Variants in PHACTR3 observed in about 807,000 individuals in gnomAD.
PHACTR3 encodes the protein phosphatase and actin regulator 3, also known as protein phosphatase 1, regulatory subunit 123.
In PHACTR3, 16 loss-of-function variants were observed where a neutral mutation model predicts 66.8. That is an observed-to-expected ratio of 0.24 (90% CI 0.16 to 0.36). PHACTR3 has a LOEUF of 0.36. Among genes scored for constraint, PHACTR3 ranks in the 10% least tolerant of loss-of-function variants. PHACTR3 has a pLI of 1.00. For synonymous variants in PHACTR3, 323 were observed against 292.1 expected (o/e 1.11, Z -1.08); for missense variants, 647 against 719.9 (o/e 0.90, Z 1.16).
intron 1 of PHACTR3, among the ~76,000 whole-genome samples, chr20:59,635,165 C>CTT (rs1600971585): frequency 7.5e-5 from 3 of 40,002 alleles, no homozygotes; most frequent in Admixed American, 3.0e-4. Context: ...TTCTTTCTTT[C>CTT]TTTCCTTTCT....
At chr20:59,648,486 A>T (rs994669748) in intron 1 of PHACTR3, among the ~76,000 whole-genome samples, 1 of 152,190 alleles carries the variant, frequency 6.6e-6, no homozygotes, top group African/African-American at 2.4e-5. Context: ...AAATAAGTCC[A>T]TCTCAGAGTC....
At chr20:59,593,323 G>C (rs986649541) in intron 1 of PHACTR3, among the ~76,000 whole-genome samples, 2 of 152,128 alleles carry the variant, frequency 1.3e-5, no homozygotes, top group African/African-American at 4.8e-5. Flanking sequence ...ATCTATTCAG[G>C]CTTTTGGCCC....
chr20:59,844,461 G>A (rs2059116922), intron 11 of PHACTR3: 1 of 152,062 alleles, frequency 6.6e-6, no homozygotes, highest in Non-Finnish European at 1.5e-5. Context: ...GTGTATATAT[G>A]TATATGTGAA....
At position 59,680,662 on chromosome 20, in the gene PHACTR3, A is replaced by ATT. The variant is rs140232182; in HGVS notation, c.119-62435_119-62434dup. On this transcript the variant is annotated intron_variant, in intron 1 of 12. Coordinates refer to ENST00000371015, the MANE Select transcript of PHACTR3 (RefSeq NM_080672.5). Reference sequence around the variant, plus strand: ...GTAAACTTTCTTAAAGTGTTATGAGATTTTTTTTTTTAGCTCATCAACTAT... The same window carrying ATT: ...GTAAACTTTCTTAAAGTGTTATGAGATTTTTTTTTTTTTAGCTCATCAACTAT... Among the ~76,000 whole-genome samples the ATT allele has an allele frequency of 1.3e-3, 189 of 148,740 alleles. 1 individual carries two copies. Among genetic ancestry groups the ATT allele is most frequent in the Non-Finnish European group, 3.7e-4 (25 of 66,958 alleles).
At chr20:59,598,309 G>A (rs1034143901) in intron 1 of PHACTR3, among the ~76,000 whole-genome samples, 1 of 152,240 alleles carries the variant, frequency 6.6e-6, no homozygotes, top group African/African-American at 2.4e-5. Flanking sequence ...TCTGCTAATG[G>A]TGAAAGCGTA....
intron 7 of PHACTR3, among the ~76,000 whole-genome samples, chr20:59,779,672 A>G (rs1466584731): frequency 1.3e-5 from 2 of 152,240 alleles, no homozygotes; most frequent in Non-Finnish European, 2.9e-5. Flanking sequence ...CCATGTGAAA[A>G]AGAAAATTTT....
rs1223324900 is a variant in PHACTR3 at position 59,747,708 on chromosome 20, C to T, written c.281-50C>T. Reference sequence around the variant, plus strand: ...GCATTGGCTGTGGCTTGGACAGGGCCCAGTGACACCTTTGCCTGAGACTCA... The same window carrying T: ...GCATTGGCTGTGGCTTGGACAGGGCTCAGTGACACCTTTGCCTGAGACTCA... On this transcript the variant is annotated intron_variant, in intron 2 of 12. Coordinates refer to ENST00000371015, the MANE Select transcript of PHACTR3 (RefSeq NM_080672.5). 5 of 1,593,994 alleles carry T rather than the reference C, an allele frequency of 3.1e-6. No homozygotes were observed. In the Admixed American group the frequency reaches 5.0e-5, roughly 16 times the overall value.
intron 1 of PHACTR3, among the ~76,000 whole-genome samples, chr20:59,719,551 G>C (rs2038216295): frequency 6.6e-6 from 1 of 152,144 alleles, no homozygotes; most frequent in South Asian, 2.1e-4. Flanking sequence ...GGGTTGTTGT[G>C]CTTTCAGCCA....
chr20:59,746,993 T>TG (rs2039395806), intron 2 of PHACTR3, among the ~76,000 whole-genome samples: 1 of 152,170 alleles, frequency 6.6e-6, no homozygotes, highest in Non-Finnish European at 1.5e-5. Flanking sequence ...ATTTGGAAAT[T>TG]GGGGCTCACC....
intron 4 of PHACTR3, among the ~76,000 whole-genome samples, chr20:59,757,695 T>C (rs1305903556): frequency 1.3e-5 from 2 of 152,176 alleles, no homozygotes; most frequent in Non-Finnish European, 2.9e-5. Flanking sequence ...GTCACACCTA[T>C]CATTCCAGCA....
At chr20:59,838,437 C>T (rs1047427642) in intron 9 of PHACTR3, among the ~76,000 whole-genome samples, 6 of 151,318 alleles carry the variant, frequency 4.0e-5, no homozygotes, top group African/African-American at 1.5e-4. Context: ...CAAAACTCCG[C>T]CCATATAACA....
At chr20:59,663,435 T>C (rs180887273) in intron 1 of PHACTR3, among the ~76,000 whole-genome samples, 1 of 152,150 alleles carries the variant, frequency 6.6e-6, no homozygotes, top group South Asian at 2.1e-4. Flanking sequence ...CATGGACGTG[T>C]GAGTAAGTGA....
At chr20:59,659,314 C>T (rs1206852183) in intron 1 of PHACTR3, among the ~76,000 whole-genome samples, 1 of 150,190 alleles carries the variant, frequency 6.7e-6, no homozygotes, top group African/African-American at 2.5e-5. Context: ...TTTCTTTCCA[C>T]TTATCAGAGT....
At chr20:59,715,776 TC>T (rs1187532434) in intron 1 of PHACTR3, among the ~76,000 whole-genome samples, 2 of 152,176 alleles carry the variant, frequency 1.3e-5, no homozygotes, top group Non-Finnish European at 2.9e-5. Context: ...AGAGGTGACA[TC>T]CTTTACGTGA....
chr20:59,718,424 C>T (rs972214379), intron 1 of PHACTR3, among the ~76,000 whole-genome samples: 1 of 152,136 alleles, frequency 6.6e-6, no homozygotes, highest in Non-Finnish European at 1.5e-5. Flanking sequence ...CAAGACCCCT[C>T]CAAGGTCTCT....
chr20:59,790,308 G>A (rs1361379433), intron 7 of PHACTR3, among the ~76,000 whole-genome samples: 3 of 152,126 alleles, frequency 2.0e-5, no homozygotes, highest in Non-Finnish European at 4.4e-5. Flanking sequence ...TCTCTAGAGA[G>A]TATCTGAGAC....
intron 1 of PHACTR3, among the ~76,000 whole-genome samples, chr20:59,702,075 C>T (rs765117182): frequency 2.0e-5 from 3 of 152,196 alleles, no homozygotes; most frequent in African/African-American, 4.8e-5. Flanking sequence ...AGTCCATTGT[C>T]GGGATGTACC....
At chr20:59,809,638 C>T (rs1018901025) in intron 8 of PHACTR3, among the ~76,000 whole-genome samples, 10 of 152,102 alleles carry the variant, frequency 6.6e-5, no homozygotes, top group African/African-American at 2.4e-4. Context: ...CTTTGAGGCA[C>T]AAAAGTTTTG....
intron 9 of PHACTR3, among the ~76,000 whole-genome samples, chr20:59,839,603 CA>C (rs1438080326): frequency 6.6e-6 from 1 of 152,094 alleles, no homozygotes; most frequent in African/African-American, 2.4e-5. Context: ...TCTTGTATCC[CA>C]GGGGGAAGCT....
Sources: allele counts gnomAD v4.1 joint callset (sites outside exome capture counted in the v4.1 genomes callset), GRCh38; gene constraint gnomAD v4.1.1; transcripts MANE v1.5; gene names NCBI Gene and HGNC (gene_info 2026-07-23, HGNC 2026-07-21).